The following BAZ1A variants were observed in gnomAD, a reference collection of about 807,000 sequenced individuals.
BAZ1A encodes bromodomain adjacent to zinc finger domain 1A, also known as bromodomain adjacent to zinc finger domain protein 1A.
A neutral mutation model predicts 185.2 loss-of-function variants in BAZ1A; 50 were observed. The observed-to-expected ratio is 0.27, with a 90% CI of 0.22 to 0.34. The LOEUF is 0.34. BAZ1A is among the 10% of genes least tolerant of loss of function. BAZ1A has a pLI of 1.00. For synonymous variants in BAZ1A, 571 were observed against 615.6 expected (o/e 0.93, Z 1.07); for missense variants, 1,356 against 1,839.9 (o/e 0.74, Z 4.81).
intron 3 of BAZ1A, among the ~76,000 whole-genome samples, chr14:34,855,585 T>C (rs975923261): frequency 2.0e-5 from 3 of 152,208 alleles, no homozygotes; most frequent in African/African-American, 4.8e-5. Context: ...TTCTTAATTA[T>C]TTGTTACATA....
chr14:34,803,516 C>G (rs914848072), intron 6 of BAZ1A, among the ~76,000 whole-genome samples: 1 of 151,860 alleles, frequency 6.6e-6, no homozygotes, highest in Non-Finnish European at 1.5e-5. Context: ...AAGAAAACCA[C>G]AATTCAAAGA....
At chr14:34,854,516 A>AG (rs2042644501) in intron 3 of BAZ1A, among the ~76,000 whole-genome samples, 1 of 152,212 alleles carries the variant, frequency 6.6e-6, no homozygotes, top group Non-Finnish European at 1.5e-5. Context: ...TAAAGTCAAT[A>AG]GAAAAAAAAA....
intron 21 of BAZ1A, among the ~76,000 whole-genome samples, chr14:34,767,982 G>T (rs2138564900): frequency 6.6e-6 from 1 of 152,220 alleles, no homozygotes; most frequent in Admixed American, 6.5e-5. Flanking sequence ...TAATGAATGT[G>T]CCTATTTTTC....
At chr14:34,829,644 A>G (rs1394755077) in intron 3 of BAZ1A, among the ~76,000 whole-genome samples, 2 of 152,206 alleles carry the variant, frequency 1.3e-5, no homozygotes, top group Non-Finnish European at 2.9e-5. Context: ...TTGTCCCAAG[A>G]AAGTCACAAT....
chr14:34,781,612 G>T (rs535334495), intron 16 of BAZ1A, among the ~76,000 whole-genome samples: 1 of 151,882 alleles, frequency 6.6e-6, no homozygotes, highest in Non-Finnish European at 1.5e-5. Flanking sequence ...CACCTCCAGG[G>T]CTCAAGCAAT....
intron 18 of BAZ1A, 142 bp downstream of exon 18, chr14:34,775,777 C>T (rs1879558390): frequency 3.1e-6 from 2 of 645,134 alleles, no homozygotes; most frequent in Admixed American, 2.9e-5. Context: ...CAAACTCTAA[C>T]TTGCAAACTA....
At chr14:34,782,440 CTTCT>C (rs1003377898) in intron 16 of BAZ1A, among the ~76,000 whole-genome samples, 66 of 151,588 alleles carry the variant, frequency 4.4e-4, no homozygotes, top group African/African-American at 1.5e-3. Flanking sequence ...TTAATTATTT[CTTCT>C]TTATTTTTTG....
intron 4 of BAZ1A, among the ~76,000 whole-genome samples, chr14:34,822,451 C>T (rs933788878): frequency 1.3e-5 from 2 of 152,018 alleles, no homozygotes; most frequent in East Asian, 1.9e-4. Context: ...TGATGAAACT[C>T]CATCTGTACA....
Position 34,862,192 on chromosome 14 carries a change from G to C in BAZ1A, c.244C>G (p.Pro82Ala). 6.2e-7 allele frequency: 1 copy of C among 1,614,128 alleles called. No homozygotes were observed. The highest frequency in any genetic ancestry group is 8.5e-7 in the Non-Finnish European group (1 of 1,180,020). Residue 82 changes from proline (P) to alanine (A), a missense_variant, in exon 3 of 27, where the codon CCA becomes GCA. By Grantham distance (27) the Pro-to-Ala change is conservative (BLOSUM62 -1). This residue lies in a region of BAZ1A where 332 missense variants were observed against 395.3 expected (regional missense o/e 0.84). Coordinates refer to ENST00000360310, the MANE Select transcript of BAZ1A (RefSeq NM_013448.3). ...KKARQNLQSFPEPLIIPVLYL... is the reference protein window; with the variant it reads ...KKARQNLQSFAEPLIIPVLYL... ...AAAACTGGAATAATTAGTGGTTCTG[G>C]AAAACTCTGAAGATTCTGTCTTGCT...
intron 3 of BAZ1A, among the ~76,000 whole-genome samples, chr14:34,853,911 T>A (rs543469424): frequency 6.6e-6 from 1 of 152,382 alleles, no homozygotes; most frequent in Admixed American, 6.5e-5. Flanking sequence ...ATCTGATTTC[T>A]CTGTAATTCT....
At chr14:34,860,537 C>CAAAAAAAAAAAAAAAAA (rs377519796) in intron 3 of BAZ1A, among the ~76,000 whole-genome samples, 1 of 88,426 alleles carries the variant, frequency 1.1e-5, no homozygotes, top group Non-Finnish European at 2.4e-5. Context: ...AAAAAAAAAG[C>CAAAAAAAAAAAAAAAAA]AAAAAAAAAA....
intron 3 of BAZ1A, chr14:34,845,410 C>A (rs1259591729): frequency 6.6e-6 from 1 of 151,790 alleles, no homozygotes; most frequent in Non-Finnish European, 1.5e-5. Flanking sequence ...AAAGACAATC[C>A]CAATTTTTAA....
At chr14:34,829,531 G>C (rs2042210975) in intron 3 of BAZ1A, among the ~76,000 whole-genome samples, 1 of 152,034 alleles carries the variant, frequency 6.6e-6, no homozygotes, top group African/African-American at 2.4e-5. Flanking sequence ...CATCAGTGAA[G>C]TCTCCTCTCC....
intron 3 of BAZ1A, among the ~76,000 whole-genome samples, chr14:34,828,317 A>G (rs571697757): frequency 6.9e-6 from 1 of 145,616 alleles, no homozygotes; most frequent in Non-Finnish European, 1.5e-5. Context: ...AAAAAAAAAT[A>G]CTCCTTAATC....
At chr14:34,789,490 A>C (rs557793806) in intron 12 of BAZ1A, among the ~76,000 whole-genome samples, 2 of 152,238 alleles carry the variant, frequency 1.3e-5, no homozygotes, top group African/African-American at 4.8e-5. Flanking sequence ...TAGTTGAATT[A>C]TATCCAGTAT....
intron 17 of BAZ1A, 149 bp downstream of exon 17, chr14:34,780,037 C>T: frequency 1.0e-6 from 1 of 959,230 alleles, no homozygotes; most frequent in Non-Finnish European, 1.6e-6. Flanking sequence ...CAACTCATCA[C>T]AGCTATGAGG....
At chr14:34,803,152 G>A (rs1288895426) in intron 6 of BAZ1A, among the ~76,000 whole-genome samples, 164 bp from the exon 7 acceptor site, 2 of 152,052 alleles carry the variant, frequency 1.3e-5, no homozygotes, top group East Asian at 1.9e-4. Flanking sequence ...AGGCCGAGGC[G>A]GGCGGATCAT....
Position 34,753,522 on chromosome 14 carries a change from T to A in BAZ1A, c.4657A>T (p.Lys1553Ter), listed in dbSNP as rs1803610469. 2.5e-6 allele frequency: 4 copies of A among 1,614,152 alleles called. No homozygotes were observed. The highest frequency in any genetic ancestry group is 2.5e-6 in the Non-Finnish European group (3 of 1,180,020). The change falls in exon 27 of 27, where the codon AAG (lysine) becomes TAG (stop). Residue 1553 changes from lysine to a stop codon, truncating the protein, a stop_gained. Transcript: ENST00000360310. LOFTEE classifies it high-confidence loss of function. ...DQVSTPPAAKKSRI is the reference protein window; with the variant it reads ...DQVSTPPAAK ...GAAGGACAAAGTCAGATTCGTGACTTTTTCGCAGCCGGTGGTGTGCTAACT... is the reference window on the plus strand; with the variant it reads ...GAAGGACAAAGTCAGATTCGTGACTATTTCGCAGCCGGTGGTGTGCTAACT...
At chr14:34,763,637 G>A (rs1878592766) in intron 23 of BAZ1A, among the ~76,000 whole-genome samples, 1 of 152,022 alleles carries the variant, frequency 6.6e-6, no homozygotes, top group African/African-American at 2.4e-5. Context: ...CAAACTGAAG[G>A]TTTGTGGCAA....
Sources: gnomAD v4.1 joint callset for allele counts (sites outside exome capture counted in the v4.1 genomes callset) on GRCh38, gnomAD v4.1.1 for gene constraint, gnomAD v4.1.1 regional missense constraint, MANE v1.5 for transcripts, NCBI Gene and HGNC (gene_info 2026-07-23, HGNC 2026-07-21) for gene names.